The following TRUB1 variants were observed in gnomAD, a reference collection of about 807,000 sequenced individuals.
TRUB1 encodes the protein TruB pseudouridine synthase family member 1, also known as pseudouridylate synthase TRUB1.
A neutral mutation model predicts 33.9 loss-of-function variants in TRUB1; 23 were observed. That is an observed-to-expected ratio of 0.68 (90% CI 0.49 to 0.96). The LOEUF (loss-of-function observed/expected upper bound fraction) is 0.96. TRUB1 is among the 40% of genes least tolerant of loss of function. The pLI, the probability that TRUB1 is intolerant of heterozygous loss-of-function variation, is 0.00. For synonymous variants in TRUB1, 163 were observed against 165.4 expected, an observed-to-expected ratio of 0.99 and a Z score of 0.11; for missense variants, 378 against 422.2, an observed-to-expected ratio of 0.90 and a Z score of 0.92.
intron 4 of TRUB1, among the ~76,000 whole-genome samples, chr10:114,968,322 T>C (rs533750306): frequency 1.2e-3 from 182 of 152,288 alleles, no homozygotes; most frequent in Non-Finnish European, 1.5e-3. Context: ...GAGAACACAG[T>C]TGCAGGAGCG....
At chr10:114,945,458 T>G (rs1328819899) in intron 2 of TRUB1, among the ~76,000 whole-genome samples, 2 of 152,232 alleles carry the variant, frequency 1.3e-5, no homozygotes, top group Middle Eastern at 3.2e-3. Context: ...AGTTGCTTGT[T>G]TACGAATAGA....
At chr10:114,966,624 T>G (rs1268657291) in intron 4 of TRUB1, among the ~76,000 whole-genome samples, 1 of 152,214 alleles carries the variant, frequency 6.6e-6, no homozygotes, top group Admixed American at 6.5e-5. Flanking sequence ...TGAAATAAGA[T>G]ATCTCTCTTC....
At chr10:114,956,705 A>T (rs12260118) in intron 3 of TRUB1, among the ~76,000 whole-genome samples, 1,936 of 152,234 alleles carry the variant, frequency 0.013, 45 homozygotes, top group African/African-American at 0.044. Flanking sequence ...CCACAAATAC[A>T]TGGTAGAGTT....
intron 2 of TRUB1, among the ~76,000 whole-genome samples, chr10:114,946,130 G>A (rs1231169880): frequency 2.0e-5 from 3 of 152,144 alleles, no homozygotes; most frequent in Non-Finnish European, 2.9e-5. Context: ...TCATACTTCG[G>A]TTTGTACACT....
At chr10:114,949,327 T>C (rs2084224090) in intron 2 of TRUB1, among the ~76,000 whole-genome samples, 1 of 152,240 alleles carries the variant, frequency 6.6e-6, no homozygotes, top group Non-Finnish European at 1.5e-5. Context: ...CCTGTTTGCC[T>C]CATCAGCAGC....
chr10:114,965,509 T>C (rs1297941897), intron 4 of TRUB1, among the ~76,000 whole-genome samples: 1 of 152,208 alleles, frequency 6.6e-6, no homozygotes, highest in Admixed American at 6.5e-5. Flanking sequence ...TGAGTGAGAT[T>C]GCCCTGTATT....
intron 3 of TRUB1, among the ~76,000 whole-genome samples, 184 bp from the exon 4 acceptor site, chr10:114,959,542 A>G (rs998232397): frequency 2.0e-5 from 3 of 152,238 alleles, no homozygotes; most frequent in Non-Finnish European, 2.9e-5. Flanking sequence ...ACGTTTGTTA[A>G]TGTTCTTCAG....
intron 2 of TRUB1, among the ~76,000 whole-genome samples, chr10:114,949,694 A>G (rs902933199): frequency 6.6e-6 from 1 of 152,064 alleles, no homozygotes; most frequent in African/African-American, 2.4e-5. Context: ...GTTTGCAGGG[A>G]TGTAGGCTGG....
chr10:114,943,698 T>G (rs1490650650), intron 2 of TRUB1, among the ~76,000 whole-genome samples: 1 of 152,176 alleles, frequency 6.6e-6, no homozygotes, highest in African/African-American at 2.4e-5. Context: ...GTGCCCAGAT[T>G]TCTCTGTGTC....
At chr10:114,942,624 T>A in intron 1 of TRUB1, 21 bp from the exon 2 acceptor site, 1 of 1,548,982 alleles carries the variant, frequency 6.5e-7, no homozygotes, top group Non-Finnish European at 8.9e-7. Flanking sequence ...TCACCTTTTT[T>A]CATCCCCATT....
intron 2 of TRUB1, among the ~76,000 whole-genome samples, chr10:114,945,230 T>C (rs1215070718): frequency 6.6e-6 from 1 of 152,194 alleles, no homozygotes; most frequent in African/African-American, 2.4e-5. Context: ...ATCTGCCCTA[T>C]TGTGGATGGC....
intron 1 of TRUB1, among the ~76,000 whole-genome samples, chr10:114,940,665 G>A (rs906592473): frequency 2.0e-5 from 3 of 152,182 alleles, no homozygotes. Context: ...ACTTTATATA[G>A]TAGAGGCAGT....
intron 2 of TRUB1, among the ~76,000 whole-genome samples, chr10:114,949,043 C>T (rs1455975043): frequency 4.6e-5 from 7 of 152,300 alleles, no homozygotes; most frequent in South Asian, 2.1e-4. Flanking sequence ...GCTTTGGCAG[C>T]GGTTCTCTCT....
chr10:114,960,856 C>G (rs1047626250), intron 4 of TRUB1, among the ~76,000 whole-genome samples: 4 of 152,024 alleles, frequency 2.6e-5, no homozygotes, highest in African/African-American at 9.7e-5. Context: ...TCAGAGACTT[C>G]CAGAGGATAC....
At chr10:114,942,254 T>C (rs2084191185) in intron 1 of TRUB1, among the ~76,000 whole-genome samples, 1 of 152,166 alleles carries the variant, frequency 6.6e-6, no homozygotes, top group African/African-American at 2.4e-5. Context: ...GAAATGGAAA[T>C]TGAGGACTTT....
At position 114,945,104 on chromosome 10, in the gene TRUB1, C is replaced by A. The variant is rs1282441257; in HGVS notation, c.385+2361C>A. 2.0e-5 allele frequency among the ~76,000 whole-genome samples: 3 copies of A among 152,080 alleles called. No individual in the cohort carries two copies. The East Asian group carries it at 5.8e-4, about 29-fold the overall frequency. ...ACCTATAAGAGAGGTTATTACTATC[C>A]CCATTTTACAGAAGAAGAAAGGAAG... On this transcript the variant is annotated intron_variant, in intron 2 of 7. Coordinates refer to ENST00000298746, the MANE Select transcript of TRUB1 (RefSeq NM_139169.5).
chr10:114,971,862 G>A (rs951196394), intron 5 of TRUB1, among the ~76,000 whole-genome samples: 3 of 152,152 alleles, frequency 2.0e-5, no homozygotes, highest in African/African-American at 4.8e-5. Flanking sequence ...CTAGAAAGAT[G>A]ATTAAAGAAT....
intron 2 of TRUB1, among the ~76,000 whole-genome samples, chr10:114,947,921 G>A (rs905425111): frequency 2.6e-5 from 4 of 152,092 alleles, no homozygotes; most frequent in Admixed American, 1.3e-4. Flanking sequence ...AGATTCCTAC[G>A]ATTGGAAAGA....
intron 2 of TRUB1, among the ~76,000 whole-genome samples, chr10:114,950,231 TGAAAG>T (rs1230686862): frequency 3.9e-5 from 6 of 152,174 alleles, no homozygotes; most frequent in African/African-American, 1.4e-4. Flanking sequence ...AATGGGATAA[TGAAAG>T]GAGAGCATTT....
Sources: allele counts gnomAD v4.1 joint callset (sites outside exome capture counted in the v4.1 genomes callset), GRCh38; gene constraint gnomAD v4.1.1; transcripts MANE v1.5; gene names NCBI Gene and HGNC (gene_info 2026-07-23, HGNC 2026-07-21).